Variants in UNC13A observed in about 807,000 individuals in gnomAD.
UNC13A encodes protein unc-13 homolog A.
A neutral mutation model predicts 219.7 loss-of-function variants in UNC13A; 61 were observed. That is an observed-to-expected ratio of 0.28 (90% confidence interval 0.23 to 0.34). The LOEUF is 0.34. Ranked by LOEUF, UNC13A falls within the 10% of genes least tolerant of loss-of-function variation. The pLI is 1.00. For missense variants in UNC13A, 1,476 were observed against 2,270.3 expected (o/e 0.65, Z 7.11); for synonymous variants, 920 against 884.6 (o/e 1.04, Z -0.71).
intron 42 of UNC13A, 47 bp from the exon 43 acceptor site, chr19:17,610,146 GA>G: frequency 1.2e-6 from 2 of 1,609,528 alleles, no homozygotes. Context: ...CTCCCAGTTG[GA>G]AAAAGTAGAT....
Position 17,674,571 on chromosome 19 carries a change from C to T in UNC13A, c.152+86G>A, listed in dbSNP as rs959264603. 10 of 1,218,210 alleles carry T rather than the reference C, an allele frequency of 8.2e-6. No individual in the cohort carries two copies. In the Admixed American group the frequency reaches 1.4e-4, roughly 17 times the overall value. 75.5% of individuals were successfully genotyped at this position (1,218,210 alleles called of 1,614,324 possible). On this transcript the variant is annotated intron_variant, in intron 3 of 43. Transcript: ENST00000519716. This position sits in a 1 kb window ranked among gnomAD's most constrained non-coding sequence, Gnocchi z 5.0. Reference sequence around the variant, plus strand: ...GGACAGAGGGGAGTCACCCGGGATTCCCCAGTGTCCAGCTCTGCCCTGAGG... The same window carrying T: ...GGACAGAGGGGAGTCACCCGGGATTTCCCAGTGTCCAGCTCTGCCCTGAGG...
At chr19:17,631,031 G>GCTCTTGTTTTCTCCC (rs1568512794) in intron 28 of UNC13A, among the ~76,000 whole-genome samples, 2 of 123,496 alleles carry the variant, frequency 1.6e-5, no homozygotes, top group African/African-American at 3.6e-5. Context: ...TATTCTCTGA[G>GCTCTTGTTTTCTCCC]TCCTCTCTGA....
At chr19:17,657,492 T>C (rs1465462369) in intron 9 of UNC13A, among the ~76,000 whole-genome samples, 1 of 152,126 alleles carries the variant, frequency 6.6e-6, no homozygotes, top group African/African-American at 2.4e-5. Context: ...TCTGTCTCTG[T>C]CTAAATACAG....
chr19:17,623,232 A>C, intron 36 of UNC13A: 1 of 386,278 alleles, frequency 2.6e-6, no homozygotes. Flanking sequence ...CACGGGAGCA[A>C]GGTTGGATTC....
intron 20 of UNC13A, 88 bp downstream of exon 20, chr19:17,642,757 T>G: frequency 8.7e-7 from 1 of 1,144,870 alleles, no homozygotes; most frequent in Non-Finnish European, 1.3e-6. Flanking sequence ...CAGGAGAGTG[T>G]GGATGGTGTG....
Position 17,626,679 on chromosome 19 carries a change from C to G in UNC13A, c.4027G>C (p.Asp1343His). ...ATGGGCTGCAACACATTGTCCGCGT[C>G]CTGGGCCACGCTGCTGCAGGCACTG... The part of the protein sequence containing the change: ...PASACSSVAQ[D>H]ADNVLQPIMD... The change falls in exon 34 of 44, where the codon GAC (aspartate) becomes CAC (histidine). Residue 1343 changes from aspartate to histidine, a missense_variant. This residue lies in a region of UNC13A where 218 missense variants were observed against 409.4 expected (regional missense o/e 0.53). Coordinates refer to ENST00000519716, the MANE Select transcript of UNC13A (RefSeq NM_001080421.3). 1.3e-6 allele frequency: 2 copies of G among 1,586,746 alleles called. No individual in the cohort carries two copies. Among genetic ancestry groups the G allele is most frequent in the Non-Finnish European group, 1.7e-6 (2 of 1,166,310 alleles).
At chr19:17,608,512 T>G (rs2076564186) in intron 43 of UNC13A, among the ~76,000 whole-genome samples, 1 of 141,534 alleles carries the variant, frequency 7.1e-6, no homozygotes, top group African/African-American at 2.6e-5. Flanking sequence ...ATTTTATATA[T>G]AATTATATAA....
At chr19:17,681,811 TC>T (rs1407169451) in intron 1 of UNC13A, among the ~76,000 whole-genome samples, 1 of 152,072 alleles carries the variant, frequency 6.6e-6, no homozygotes, top group East Asian at 1.9e-4. Flanking sequence ...CGAACTAGGC[TC>T]CCTCCTGGAG....
rs183063628 is a variant in UNC13A at position 17,665,240 on chromosome 19, G to T, written c.523+1410C>A. On this transcript the variant is annotated intron_variant, in intron 7 of 43. Transcript: ENST00000519716. Reference sequence around the variant, plus strand: ...GAGAAGAAGAAAAGAAAGTAAATGGGAAAGGAGAAGGAGGCTAAAGAGTGC... The same window carrying T: ...GAGAAGAAGAAAAGAAAGTAAATGGTAAAGGAGAAGGAGGCTAAAGAGTGC... Among the ~76,000 whole-genome samples the T allele has an allele frequency of 2.0e-3, 309 of 151,992 alleles. 1 individual carries two copies. Among genetic ancestry groups the T allele is most frequent in the African/African-American group, 7.1e-3 (293 of 41,484 alleles).
At chr19:17,634,973 C>T (rs892242780) in intron 26 of UNC13A, among the ~76,000 whole-genome samples, 3 of 151,948 alleles carry the variant, frequency 2.0e-5, no homozygotes, top group African/African-American at 7.3e-5. Context: ...TGGGTTCACG[C>T]CATTCTCCTG....
At chr19:17,620,035 C>T (rs773137271) in intron 38 of UNC13A, among the ~76,000 whole-genome samples, 5 of 152,204 alleles carry the variant, frequency 3.3e-5, no homozygotes, top group Non-Finnish European at 5.9e-5. Flanking sequence ...ACGGGCAATG[C>T]TAAGGGAGAC....
At chr19:17,651,846 C>T (rs2079354815) in intron 12 of UNC13A, among the ~76,000 whole-genome samples, 1 of 152,156 alleles carries the variant, frequency 6.6e-6, no homozygotes, top group South Asian at 2.1e-4. Flanking sequence ...AGGAAGGTCA[C>T]TATCGTGCTG....
chr19:17,618,516 A>C lies in UNC13A; in HGVS notation c.4330-15T>G, dbSNP rs1218302804. 4 of 1,579,040 alleles carry C rather than the reference A, an allele frequency of 2.5e-6. No homozygotes were observed. The Admixed American group carries it at 7.4e-5, about 29-fold the overall frequency. On this transcript the variant is annotated splice_polypyrimidine_tract_variant and intron_variant, in intron 39 of 43. Transcript: ENST00000519716. Reference sequence around the variant, plus strand: ...ACCATGTGATCCTGGATGGATGGGGAGAGGGGCCATGTGGGTGGAGTGGGC... The same window carrying C: ...ACCATGTGATCCTGGATGGATGGGGCGAGGGGCCATGTGGGTGGAGTGGGC...
chr19:17,651,326 T>G (rs2079343620), intron 12 of UNC13A, among the ~76,000 whole-genome samples: 1 of 151,452 alleles, frequency 6.6e-6, no homozygotes, highest in Non-Finnish European at 1.5e-5. Context: ...TAGCCTCAAG[T>G]GATTCTCCTG....
chr19:17,656,211 G>A lies in UNC13A; in HGVS notation c.955C>T (p.Gln319Ter). The A allele has an allele frequency of 6.4e-7, 1 of 1,552,238 alleles. No individual in the cohort carries two copies. The highest frequency in any genetic ancestry group is 1.2e-5 in the South Asian group (1 of 84,054). The change falls in exon 10 of 44, where the codon CAG becomes TAG. Residue 319 changes from glutamine (Q) to a stop codon, truncating the protein, a stop_gained. Coordinates refer to ENST00000519716, the MANE Select transcript of UNC13A (RefSeq NM_001080421.3). LOFTEE classifies it high-confidence loss of function. ...TCCTCCTCCAGCTCTTCCTCATCCTGGTCCCAGCGAGGCGAGTCTTTGTGG... is the reference window on the plus strand; with the variant it reads ...TCCTCCTCCAGCTCTTCCTCATCCTAGTCCCAGCGAGGCGAGTCTTTGTGG... The part of the protein sequence containing the change: ...SYHKDSPRWD[Q>*]DEEELEEDLE...
chr19:17,606,044 A>T lies in UNC13A; in HGVS notation c.*10T>A, dbSNP rs758556863. ...GCGCAGGCGCAGTGCCGCTCGGCCGACCGCCCGCGCTAAGGCGCAGGCGCG... is the reference window on the plus strand; with the variant it reads ...GCGCAGGCGCAGTGCCGCTCGGCCGTCCGCCCGCGCTAAGGCGCAGGCGCG... On this transcript the variant is annotated 3_prime_UTR_variant, in exon 44 of 44. Coordinates refer to ENST00000519716, the MANE Select transcript of UNC13A (RefSeq NM_001080421.3). The T allele has an allele frequency of 6.6e-7, 1 of 1,504,656 alleles. No homozygotes were observed. The allele number at this position is 1,504,656 out of a possible 1,614,324, so 93.2% of individuals were successfully genotyped here.
intron 26 of UNC13A, 41 bp downstream of exon 26, chr19:17,635,983 G>A (rs756091279): frequency 1.1e-5 from 18 of 1,581,732 alleles, no homozygotes; most frequent in African/African-American, 4.0e-5. Flanking sequence ...ACATACACAC[G>A]ATGACACCCA....
At position 17,601,653 on chromosome 19, in the gene UNC13A, C is replaced by G. The variant is rs1437948196; in HGVS notation, c.*4401G>C. On this transcript the variant is annotated 3_prime_UTR_variant, in exon 44 of 44. Coordinates refer to ENST00000519716, the MANE Select transcript of UNC13A (RefSeq NM_001080421.3). ...CGGTTTGTGGGGGTCTGAGGGAGCA[C>G]GAGACAGGGGTGGACAGGGGTCAAG... 1 of 152,082 alleles carries G rather than the reference C, an allele frequency of 6.6e-6. No individual in the cohort carries two copies. The highest frequency in any genetic ancestry group is 1.9e-4 in the East Asian group (1 of 5,172). 9.4% of individuals were successfully genotyped at this position (152,082 alleles called of 1,614,324 possible).
At chr19:17,648,382 G>T in intron 16 of UNC13A, 49 bp downstream of exon 16, 2 of 1,088,578 alleles carry the variant, frequency 1.8e-6, no homozygotes, top group Non-Finnish European at 2.3e-6. Flanking sequence ...TGCAAGCCCC[G>T]GGGCTCCCCA....
Sources: gnomAD v4.1 joint callset for allele counts (sites outside exome capture counted in the v4.1 genomes callset) on GRCh38, gnomAD v4.1.1 for gene constraint, gnomAD v4.1.1 regional missense constraint, Gnocchi (gnomAD v3.1) non-coding constraint, MANE v1.5 for transcripts, NCBI Gene and HGNC (gene_info 2026-07-23, HGNC 2026-07-21) for gene names.